CDH11: variants seen among roughly 807,000 people sequenced by gnomAD.
CDH11 encodes the protein cadherin 11, also known as cadherin-11.
Under a neutral mutation model 67.8 loss-of-function variants are expected in CDH11, and 11 were observed. The ratio of observed to expected loss-of-function variants is 0.16; its 90% CI spans 0.10 to 0.27. The LOEUF (loss-of-function observed/expected upper bound fraction) is 0.27, where lower values mean the gene tolerates loss of function less well. Among genes scored for constraint, CDH11 ranks in the 10% least tolerant of loss-of-function variants. The pLI, the probability that CDH11 is intolerant of heterozygous loss-of-function variation, is 1.00. For synonymous variants in CDH11, 419 were observed against 400.0 expected, an observed-to-expected ratio of 1.05 and a Z score of -0.57; for missense variants, 847 against 1,031.2, an observed-to-expected ratio of 0.82 and a Z score of 2.45.
rs1597081774 is a variant in CDH11 at position 65,004,976 on chromosome 16, T to C, written c.-107A>G. 3 of 1,428,472 alleles carry C rather than the reference T, an allele frequency of 2.1e-6. No individual in the cohort carries two copies. In the East Asian group the frequency reaches 8.0e-5, roughly 38 times the overall value. 88.5% of individuals were successfully genotyped at this position (1,428,472 alleles called of 1,614,324 possible). A position where few individuals can be genotyped will look rare whatever the true frequency, so the allele number is the denominator to read the frequency against. On this transcript the variant is annotated 5_prime_UTR_variant, in exon 3 of 13. Transcript: ENST00000268603. ...CCCGGACGCGTCACGCAGACCTCTC[T>C]TGGGATGGAATGTCTCTGCTGGTTG...
intron 2 of CDH11, among the ~76,000 whole-genome samples, chr16:65,039,624 C>T (rs1274349962): frequency 1.3e-5 from 2 of 152,098 alleles, no homozygotes; most frequent in East Asian, 1.9e-4. Flanking sequence ...AAAACCTAGG[C>T]AATACCATTC....
chr16:64,958,716 A>G (rs1205777229), intron 11 of CDH11, among the ~76,000 whole-genome samples: 1 of 152,200 alleles, frequency 6.6e-6, no homozygotes, highest in Non-Finnish European at 1.5e-5. Context: ...GTTTATTTTA[A>G]TATCCACAAT....
At chr16:64,988,132 C>G in intron 7 of CDH11, 25 bp downstream of exon 7, 1 of 1,572,494 alleles carries the variant, frequency 6.4e-7, no homozygotes. Context: ...ACCACTGACA[C>G]GTCTGATTCC....
At chr16:65,077,914 G>T (rs763192537) in intron 1 of CDH11, among the ~76,000 whole-genome samples, 1 of 152,092 alleles carries the variant, frequency 6.6e-6, no homozygotes, top group Non-Finnish European at 1.5e-5. Context: ...GCATTTGTAG[G>T]CTCTCTGTGT....
At chr16:65,011,054 T>C (rs1043466333) in intron 2 of CDH11, among the ~76,000 whole-genome samples, 7 of 147,928 alleles carry the variant, frequency 4.7e-5, no homozygotes, top group African/African-American at 1.7e-4. Flanking sequence ...TATATATGTA[T>C]ATATATCATG....
At position 65,104,562 on chromosome 16, in the gene CDH11, A is replaced by G. The variant is rs183128031; in HGVS notation, c.-298+17318T>C. On this transcript the variant is annotated intron_variant, in intron 1 of 12. Coordinates refer to ENST00000268603, the MANE Select transcript of CDH11 (RefSeq NM_001797.4). ...AAATTAAAGCAAAAAAACAAAAAAC[A>G]GAAGCATGTAATATACACATGGACA... 2.6e-5 allele frequency among the ~76,000 whole-genome samples: 4 copies of G among 152,356 alleles called. No individual in the cohort carries two copies. In the East Asian group the frequency reaches 7.7e-4, roughly 29 times the overall value.
At chr16:65,101,224 A>G (rs567879527) in intron 1 of CDH11, among the ~76,000 whole-genome samples, 51 of 152,260 alleles carry the variant, frequency 3.3e-4, no homozygotes, top group African/African-American at 1.1e-3. Context: ...CTCCTAATCC[A>G]TCATTGCTGA....
chr16:64,944,080 T>C lies in CDH11; in HGVS notation c.*3523A>G, dbSNP rs2071153978. The C allele has an allele frequency of 4.3e-6, 1 of 232,538 alleles. No individual in the cohort carries two copies. Among genetic ancestry groups the C allele is most frequent in the Admixed American group, 5.6e-5 (1 of 17,736 alleles). The allele number at this position is 232,538 out of a possible 1,614,324, so 14.4% of individuals were successfully genotyped here. A position where few individuals can be genotyped will look rare whatever the true frequency, so the allele number is the denominator to read the frequency against. On this transcript the variant is annotated 3_prime_UTR_variant, in exon 13 of 13. Transcript: ENST00000268603. Reference sequence around the variant, plus strand: ...AAAGGAGGATGGAGTGGAATGACACTGGAGAGGTTCGCAGGGCCCTGTTCA... The same window carrying C: ...AAAGGAGGATGGAGTGGAATGACACCGGAGAGGTTCGCAGGGCCCTGTTCA...
chr16:65,060,604 C>A (rs1185869254), intron 1 of CDH11, among the ~76,000 whole-genome samples: 1 of 152,052 alleles, frequency 6.6e-6, no homozygotes, highest in Non-Finnish European at 1.5e-5. Flanking sequence ...CTAGGGTGAA[C>A]AAAGCAACCA....
intron 8 of CDH11, among the ~76,000 whole-genome samples, chr16:64,980,783 G>A (rs1005057852): frequency 6.6e-6 from 1 of 152,166 alleles, no homozygotes; most frequent in African/African-American, 2.4e-5. Context: ...CACTCTGGCT[G>A]CAGAGTCAGG....
intron 2 of CDH11, among the ~76,000 whole-genome samples, chr16:65,012,711 T>C (rs757532825): frequency 2.6e-5 from 4 of 152,178 alleles, no homozygotes; most frequent in Non-Finnish European, 5.9e-5. Flanking sequence ...GCAATGCTCT[T>C]GAATGACAGC....
rs143216782 is a variant in CDH11, at chr16:65,029,806, C to G, written c.-173+23998G>C. Among the ~76,000 whole-genome samples, 615 of 152,296 alleles carry G rather than the reference C, an allele frequency of 4.0e-3. 15 individuals are homozygous for G. Among genetic ancestry groups the G allele is most frequent in the Admixed American group, 0.032 (490 of 15,294 alleles). ...TACCTTTCCAATGTCCTACACAACA[C>G]AAACCTACAGCATTTTTTAGAGAGA... On this transcript the variant is annotated intron_variant, in intron 2 of 12. Transcript: ENST00000268603.
rs2075323835 is a variant in CDH11 at position 65,121,206 on chromosome 16, C to T, written c.-298+674G>A. ...GGGAGCTTACAAACGGGCGCCAGAGCTCCCGCAGAGACTCGGGCTGGAGGG... is the reference window on the plus strand; with the variant it reads ...GGGAGCTTACAAACGGGCGCCAGAGTTCCCGCAGAGACTCGGGCTGGAGGG... On this transcript the variant is annotated intron_variant, in intron 1 of 12. Coordinates refer to ENST00000268603, the MANE Select transcript of CDH11 (RefSeq NM_001797.4). This position sits in a 1 kb window ranked among gnomAD's most constrained non-coding sequence, Gnocchi z 4.1. Among the ~76,000 whole-genome samples the T allele has an allele frequency of 6.6e-6, 1 of 152,234 alleles. No individual in the cohort carries two copies. The highest frequency in any genetic ancestry group is 1.5e-5 in the Non-Finnish European group (1 of 68,042).
chr16:65,008,877 T>C (rs1029223692), intron 2 of CDH11, among the ~76,000 whole-genome samples: 2 of 152,138 alleles, frequency 1.3e-5, no homozygotes, highest in South Asian at 2.1e-4. Flanking sequence ...AATACTAATA[T>C]AGTTAAAATT....
Position 65,010,729 on chromosome 16 carries a change from T to C in CDH11, c.-172-5688A>G, listed in dbSNP as rs538422265. The stretch of plus-strand genomic sequence containing the variant: ...ATCTGAGTCTCTGCTTCTGGAGAAA[T>C]AGAGAATGACAGAAGTTCTGCTTTG... On this transcript the variant is annotated intron_variant, in intron 2 of 12. Transcript: ENST00000268603. 1.6e-4 allele frequency among the ~76,000 whole-genome samples: 24 copies of C among 151,718 alleles called. No homozygotes were observed. The South Asian group carries it at 1.7e-3, about 11-fold the overall frequency.
intron 3 of CDH11, among the ~76,000 whole-genome samples, chr16:65,001,868 A>G (rs2072928555): frequency 1.3e-5 from 2 of 151,844 alleles, no homozygotes; most frequent in Admixed American, 6.6e-5. Flanking sequence ...TTGCTGAGGC[A>G]TACGCAGCCA....
rs147693157 is a variant in CDH11, at chr16:64,961,910, C to G, written c.1642+9669G>C. Among the ~76,000 whole-genome samples the G allele has an allele frequency of 8.3e-4, 126 of 152,160 alleles. No homozygotes were observed. The East Asian group carries it at 0.02, about 24-fold the overall frequency. ...TCTGTCTCTCTCACACACACACCCCCCAAAACACAAATCTTAATTTTAATC... is the reference window on the plus strand; with the variant it reads ...TCTGTCTCTCTCACACACACACCCCGCAAAACACAAATCTTAATTTTAATC... On this transcript the variant is annotated intron_variant, in intron 11 of 12. Transcript: ENST00000268603.
At chr16:64,997,026 C>G (rs947778221) in intron 4 of CDH11, among the ~76,000 whole-genome samples, 1 of 151,814 alleles carries the variant, frequency 6.6e-6, no homozygotes, top group African/African-American at 2.4e-5. Context: ...GGGCCGGGCA[C>G]GGTGGCTCAC....
intron 1 of CDH11, among the ~76,000 whole-genome samples, chr16:65,067,756 GA>G: frequency 6.9e-6 from 1 of 144,718 alleles, no homozygotes; most frequent in African/African-American, 2.5e-5. Flanking sequence ...GGAAGGGAGG[GA>G]GGAAGAAAGG....
Sources: gnomAD v4.1 joint callset for allele counts (sites outside exome capture counted in the v4.1 genomes callset) on GRCh38, gnomAD v4.1.1 for gene constraint, Gnocchi (gnomAD v3.1) non-coding constraint, MANE v1.5 for transcripts, NCBI Gene and HGNC (gene_info 2026-07-23, HGNC 2026-07-21) for gene names.